The following RASGRF2 variants were observed in gnomAD, a reference collection of about 807,000 sequenced individuals.
RASGRF2 encodes the protein Ras protein specific guanine nucleotide releasing factor 2, also known as ras-specific guanine nucleotide-releasing factor 2.
Under a neutral mutation model 151.0 loss-of-function variants are expected in RASGRF2, and 76 were observed. The observed-to-expected ratio is 0.50, with a 90% confidence interval of 0.42 to 0.61. RASGRF2 has a LOEUF of 0.61. Among genes scored for constraint, RASGRF2 ranks in the 20% least tolerant of loss-of-function variants. The pLI is 0.00. For missense variants in RASGRF2, 1,148 were observed against 1,564.6 expected (o/e 0.73, Z 4.49); for synonymous variants, 504 against 566.5 (o/e 0.89, Z 1.57).
intron 17 of RASGRF2, among the ~76,000 whole-genome samples, chr5:81,154,091 T>G (rs904700999): frequency 6.6e-6 from 1 of 152,082 alleles, no homozygotes; most frequent in Non-Finnish European, 1.5e-5. Context: ...AAAGGACAAA[T>G]AGACATTTCA....
intron 17 of RASGRF2, among the ~76,000 whole-genome samples, chr5:81,139,313 C>G (rs1371363900): frequency 4.6e-5 from 7 of 151,596 alleles, no homozygotes; most frequent in African/African-American, 1.7e-4. Context: ...TTAGGATTCT[C>G]TACATATAGA....
intron 15 of RASGRF2, among the ~76,000 whole-genome samples, chr5:81,120,816 T>C (rs1753286985): frequency 6.6e-6 from 1 of 152,178 alleles, no homozygotes; most frequent in Admixed American, 6.5e-5. Context: ...TAGGAATAGA[T>C]TGGTTGTGCG....
intron 17 of RASGRF2, among the ~76,000 whole-genome samples, chr5:81,162,397 G>C (rs563088928): frequency 6.6e-6 from 1 of 152,138 alleles, no homozygotes; most frequent in Non-Finnish European, 1.5e-5. Flanking sequence ...GTCCAGGCTA[G>C]AGTGCAATGG....
At chr5:81,139,041 C>T (rs1753821598) in intron 17 of RASGRF2, among the ~76,000 whole-genome samples, 1 of 152,112 alleles carries the variant, frequency 6.6e-6, no homozygotes, top group South Asian at 2.1e-4. Context: ...GGGAATGTCC[C>T]TTCATTTACT....
At chr5:81,004,397 A>G (rs1409348703) in intron 1 of RASGRF2, among the ~76,000 whole-genome samples, 14 of 152,164 alleles carry the variant, frequency 9.2e-5, no homozygotes, top group Admixed American at 9.2e-4. Context: ...TGGCTGACCT[A>G]CTGATCACAG....
At chr5:81,003,355 T>A (rs1353217807) in intron 1 of RASGRF2, among the ~76,000 whole-genome samples, 1 of 151,902 alleles carries the variant, frequency 6.6e-6, no homozygotes, top group African/African-American at 2.4e-5. Context: ...CCTGAGTAGC[T>A]GGGACTACAG....
intron 17 of RASGRF2, among the ~76,000 whole-genome samples, chr5:81,175,783 A>T (rs183865187): frequency 1.3e-5 from 2 of 151,894 alleles, no homozygotes; most frequent in African/African-American, 4.8e-5. Flanking sequence ...AAGGAAAAAG[A>T]AAAATATCTA....
chr5:80,973,851 C>G lies in RASGRF2; in HGVS notation c.288+12825C>G, dbSNP rs188100001. On this transcript the variant is annotated intron_variant, in intron 1 of 26. Coordinates refer to ENST00000265080, the MANE Select transcript of RASGRF2 (RefSeq NM_006909.3). ...GAGAGAGGGAGCTGGACAGCCAGTT[C>G]ATTGTTGAGTATATAGATTCGTTCA... Among the ~76,000 whole-genome samples, 25 of 152,242 alleles carry G rather than the reference C, an allele frequency of 1.6e-4. No homozygotes were observed. In the East Asian group the frequency reaches 4.4e-3, roughly 27 times the overall value.
chr5:81,126,912 G>A (rs577939289), intron 16 of RASGRF2, among the ~76,000 whole-genome samples, 162 bp from the exon 17 acceptor site: 35 of 152,348 alleles, frequency 2.3e-4, no homozygotes, highest in African/African-American at 6.5e-4. Flanking sequence ...GACCCAGAGT[G>A]GAATTCCTGA....
intron 18 of RASGRF2, among the ~76,000 whole-genome samples, chr5:81,199,116 A>G (rs1487608535): frequency 6.6e-6 from 1 of 152,246 alleles, no homozygotes; most frequent in Non-Finnish European, 1.5e-5. Context: ...GCTCTCTACT[A>G]GTGCATAGTC....
chr5:81,123,645 T>C lies in RASGRF2; in HGVS notation c.2474T>C (p.Val825Ala). 2 of 1,613,724 alleles carry C rather than the reference T, an allele frequency of 1.2e-6. No individual in the cohort carries two copies. The highest frequency in any genetic ancestry group is 1.7e-6 in the Non-Finnish European group (2 of 1,179,852). Residue 825 changes from valine (V) to alanine (A), a missense_variant, in exon 16 of 27, where the codon GTC becomes GCC. Around this residue, in one of 5 missense-constraint regions of RASGRF2, gnomAD observed 646 missense variants for 807.4 expected, o/e 0.80. Transcript: ENST00000265080. ...NKLKRSIQKA[V>A]LESAPADRAG... ...AATTCATGATGTTTTCAAGCAGCAG[T>C]CCTAGAGTCTGCACCAGCGGACCGA...
At position 81,212,500 on chromosome 5, in the gene RASGRF2, C is replaced by G. The variant is rs1200826188; in HGVS notation, c.3291C>G (p.Thr1097=). 6.2e-7 allele frequency: 1 copy of G among 1,613,548 alleles called. No homozygotes were observed. The highest frequency in any genetic ancestry group is 8.5e-7 in the Non-Finnish European group (1 of 1,179,830). ...ACTACAACGGCGTGCTGGAGATCAC[C>G]TCGGCCTTAAACAGAAGTGCCATCT... ...LHNYNGVLEI[T]SALNRSAIYR... is the part of the protein sequence containing the mutation. The change falls in exon 23 of 27, where the codon ACC becomes ACG. Residue 1097 remains threonine, a synonymous_variant. Transcript: ENST00000265080.
intron 23 of RASGRF2, among the ~76,000 whole-genome samples, chr5:81,212,943 T>C (rs1193483557): frequency 1.3e-5 from 2 of 152,202 alleles, no homozygotes; most frequent in South Asian, 2.1e-4. Flanking sequence ...AAAGGCCTCA[T>C]TTTTCACCTT....
intron 18 of RASGRF2, among the ~76,000 whole-genome samples, chr5:81,200,273 A>G (rs1236871717): frequency 9.2e-6 from 1 of 108,646 alleles, no homozygotes; most frequent in Non-Finnish European, 2.1e-5. Context: ...CCTGTGATTT[A>G]AAAAAAAAAA....
chr5:80,988,973 T>C (rs905900694), intron 1 of RASGRF2, among the ~76,000 whole-genome samples: 6 of 151,808 alleles, frequency 4.0e-5, no homozygotes, highest in Non-Finnish European at 5.9e-5. Flanking sequence ...AAGTTGAGCA[T>C]CATAATTGAT....
At chr5:80,998,196 G>C (rs1748957359) in intron 1 of RASGRF2, 1 of 152,086 alleles carries the variant, frequency 6.6e-6, no homozygotes, top group African/African-American at 2.4e-5. Context: ...CATAGGGCTG[G>C]AGTAACCTTC....
At chr5:81,043,890 C>T (rs1010305157) in intron 2 of RASGRF2, among the ~76,000 whole-genome samples, 16 of 152,222 alleles carry the variant, frequency 1.1e-4, no homozygotes, top group Non-Finnish European at 2.4e-4. Flanking sequence ...CCCTCACTGG[C>T]GCCCTCTTCA....
At chr5:81,150,912 T>G (rs1433416883) in intron 17 of RASGRF2, among the ~76,000 whole-genome samples, 1 of 152,186 alleles carries the variant, frequency 6.6e-6, no homozygotes, top group Non-Finnish European at 1.5e-5. Context: ...CCAAGAGGCT[T>G]GCCAATAGGT....
chr5:81,027,527 A>G (rs1750079552), intron 1 of RASGRF2, among the ~76,000 whole-genome samples: 1 of 152,208 alleles, frequency 6.6e-6, no homozygotes, highest in Admixed American at 6.5e-5. Flanking sequence ...AGTTCTTTGA[A>G]GAAGCATTTA....
Sources: gnomAD v4.1 joint callset for allele counts (sites outside exome capture counted in the v4.1 genomes callset) on GRCh38, gnomAD v4.1.1 for gene constraint, gnomAD v4.1.1 regional missense constraint, MANE v1.5 for transcripts, NCBI Gene and HGNC (gene_info 2026-07-23, HGNC 2026-07-21) for gene names.